SLC4A4: variants seen among roughly 807,000 people sequenced by gnomAD.
SLC4A4 encodes the protein solute carrier family 4 member 4.
A neutral mutation model predicts 111.5 loss-of-function variants in SLC4A4; 27 were observed. The observed-to-expected ratio is 0.24, with a 90% CI of 0.18 to 0.33. The LOEUF (loss-of-function observed/expected upper bound fraction) is 0.33, where lower values mean the gene tolerates loss of function less well. SLC4A4 is among the 10% of genes least tolerant of loss of function. SLC4A4 has a pLI of 1.00. For missense variants in SLC4A4, 909 were observed against 1,315.5 expected (o/e 0.69, Z 4.78); for synonymous variants, 443 against 463.4 (o/e 0.96, Z 0.57).
At chr4:71,443,116 C>CTCTCTCTATATATA (rs1198759861) in intron 8 of SLC4A4, among the ~76,000 whole-genome samples, 14 of 65,648 alleles carry the variant, frequency 2.1e-4, no homozygotes, top group African/African-American at 7.8e-4. Flanking sequence ...CTCTCTCTCT[C>CTCTCTCTATATATA]TATATATATA....
At chr4:71,494,263 G>A (rs1353278934) in intron 15 of SLC4A4, among the ~76,000 whole-genome samples, 3 of 152,020 alleles carry the variant, frequency 2.0e-5, no homozygotes, top group African/African-American at 7.2e-5. Flanking sequence ...AATGTGCTAA[G>A]AGAATTCTAA....
At chr4:71,148,311 C>A (rs1420389728) in intron 2 of SLC4A4, among the ~76,000 whole-genome samples, 1 of 152,134 alleles carries the variant, frequency 6.6e-6, no homozygotes, top group African/African-American at 2.4e-5. Flanking sequence ...CTCTCGAGCT[C>A]TTCTGGGACC....
intron 2 of SLC4A4, among the ~76,000 whole-genome samples, chr4:71,145,984 T>C (rs1486906022): frequency 2.6e-5 from 4 of 152,232 alleles, no homozygotes; most frequent in African/African-American, 9.6e-5. Flanking sequence ...TCTTTCCTTC[T>C]GCTAGCTTTG....
At chr4:71,499,123 G>T (rs982102426) in intron 16 of SLC4A4, among the ~76,000 whole-genome samples, 1 of 151,776 alleles carries the variant, frequency 6.6e-6, no homozygotes, top group East Asian at 1.9e-4. Flanking sequence ...AATTTATTGG[G>T]CATCTTGGAT....
chr4:71,263,629 A>G (rs1453052587), intron 3 of SLC4A4, among the ~76,000 whole-genome samples: 2 of 152,162 alleles, frequency 1.3e-5, no homozygotes, highest in African/African-American at 4.8e-5. Flanking sequence ...AATATAAATA[A>G]CCAAAGAACT....
In SLC4A4 at chr4:71,564,609, C is replaced by T. The variant is rs1737300924; in HGVS notation, c.3196+720C>T. Among the ~76,000 whole-genome samples the T allele has an allele frequency of 2.0e-5, 3 of 151,944 alleles. No homozygotes were observed. The South Asian group carries it at 6.2e-4, about 32-fold the overall frequency. ...CTTTCCCAATAGCAGGTAGCAATTG[C>T]CATCAAGCTACTTTCTACTTTGCGT... is the stretch of plus-strand genomic sequence containing the variant. On this transcript the variant is annotated intron_variant, in intron 24 of 25. Coordinates refer to ENST00000264485, the MANE Select transcript of SLC4A4 (RefSeq NM_001098484.3).
At chr4:71,523,560 A>C (rs1418907488) in intron 16 of SLC4A4, among the ~76,000 whole-genome samples, 1 of 152,230 alleles carries the variant, frequency 6.6e-6, no homozygotes, top group East Asian at 1.9e-4. Flanking sequence ...AGTGGTTGCA[A>C]AGAGGTAGTC....
chr4:71,348,570 C>G (rs1167983343), intron 4 of SLC4A4, among the ~76,000 whole-genome samples: 1 of 152,162 alleles, frequency 6.6e-6, no homozygotes, highest in Non-Finnish European at 1.5e-5. Context: ...AAGGTTACCA[C>G]TAACATGGGA....
At chr4:71,529,111 T>C (rs1733698596) in intron 16 of SLC4A4, among the ~76,000 whole-genome samples, 1 of 152,078 alleles carries the variant, frequency 6.6e-6, no homozygotes, top group Non-Finnish European at 1.5e-5. Context: ...GAATTTTTAA[T>C]TTTTGGAACA....
intron 3 of SLC4A4, among the ~76,000 whole-genome samples, chr4:71,306,877 A>C (rs1725733343): frequency 6.6e-6 from 1 of 152,146 alleles, no homozygotes; most frequent in Admixed American, 6.5e-5. Context: ...TGCTTTAAAG[A>C]ATGGATCATA....
At chr4:71,161,880 T>G (rs1427894087) in intron 2 of SLC4A4, among the ~76,000 whole-genome samples, 1 of 152,208 alleles carries the variant, frequency 6.6e-6, no homozygotes, top group Non-Finnish European at 1.5e-5. Flanking sequence ...TCAGAGTTTA[T>G]GAAAGGAATA....
At chr4:71,382,128 A>T (rs1186361826) in intron 6 of SLC4A4, among the ~76,000 whole-genome samples, 4 of 151,540 alleles carry the variant, frequency 2.6e-5, no homozygotes, top group Admixed American at 2.6e-4. Context: ...TTTTATTGAG[A>T]CTCCTGATGT....
chr4:71,208,441 A>ATATATATAT (rs751310771), intron 1 of SLC4A4, among the ~76,000 whole-genome samples: 12 of 144,086 alleles, frequency 8.3e-5, no homozygotes, highest in African/African-American at 3.1e-4. Flanking sequence ...AAAAAAAAAA[A>ATATATATAT]AAATATATAT....
chr4:71,378,443 T>G (rs1717749061), intron 6 of SLC4A4, among the ~76,000 whole-genome samples: 1 of 152,200 alleles, frequency 6.6e-6, no homozygotes, highest in Admixed American at 6.5e-5. Flanking sequence ...CAAGGTCTAC[T>G]GAAGAACTGG....
chr4:71,490,363 A>G (rs1392876236), intron 15 of SLC4A4, among the ~76,000 whole-genome samples: 2 of 151,820 alleles, frequency 1.3e-5, no homozygotes, highest in African/African-American at 4.8e-5. Context: ...ATACCTTAAA[A>G]TACACAGTTC....
chr4:71,239,676 A>G (rs1720053812), intron 2 of SLC4A4, among the ~76,000 whole-genome samples: 1 of 152,214 alleles, frequency 6.6e-6, no homozygotes, highest in Non-Finnish European at 1.5e-5. Flanking sequence ...ATATATTTAA[A>G]GGCCTAAACC....
At chr4:71,215,454 ACTGATCCTCCAGGAAGGGT>A (rs1411040017) in intron 1 of SLC4A4, among the ~76,000 whole-genome samples, 2 of 152,190 alleles carry the variant, frequency 1.3e-5, no homozygotes, top group Non-Finnish European at 2.9e-5. Context: ...ATGCTCTTCC[ACTGATCCTCCAGGAAGGGT>A]CTGATCCTCC....
At chr4:71,352,978 C>A (rs1027764480) in intron 5 of SLC4A4, among the ~76,000 whole-genome samples, 3 of 152,152 alleles carry the variant, frequency 2.0e-5, no homozygotes, top group African/African-American at 7.2e-5. Flanking sequence ...TTGGGATCTT[C>A]ATCACCAGGA....
rs28617367 is a variant in SLC4A4 at position 71,556,687 on chromosome 4, T to A, written c.2764-1025T>A. Among the ~76,000 whole-genome samples the A allele has an allele frequency of 7.2e-4, 109 of 152,032 alleles. 1 individual carries two copies. The highest frequency in any genetic ancestry group is 2.4e-3 in the African/African-American group (98 of 41,536). The stretch of plus-strand genomic sequence containing the variant: ...TTTGGTAAGATTTCATTTAGAAAAT[T>A]TTGTAATTTGTAAAGAAATTTTGTA... On this transcript the variant is annotated intron_variant, in intron 21 of 25. Transcript: ENST00000264485.
Sources: allele counts gnomAD v4.1 joint callset (sites outside exome capture counted in the v4.1 genomes callset), GRCh38; gene constraint gnomAD v4.1.1; transcripts MANE v1.5; gene names NCBI Gene and HGNC (gene_info 2026-07-23, HGNC 2026-07-21).